The following PRKN variants were observed in gnomAD, a reference collection of about 807,000 sequenced individuals.
The protein encoded by PRKN is parkin RBR E3 ubiquitin protein ligase.
Under a neutral mutation model 59.5 loss-of-function variants are expected in PRKN, and 56 were observed. The ratio of observed to expected loss-of-function variants is 0.94; its 90% CI spans 0.76 to 1.18. The LOEUF (loss-of-function observed/expected upper bound fraction) is 1.18, where lower values mean the gene tolerates loss of function less well. PRKN is among the 50% of genes most tolerant of loss of function. PRKN has a pLI of 0.00. For missense variants in PRKN, 657 were observed against 596.4 expected (o/e 1.10, Z -1.06); for synonymous variants, 250 against 222.1 (o/e 1.13, Z -1.12).
chr6:162,258,253 G>T (rs1000599653), intron 3 of PRKN, among the ~76,000 whole-genome samples: 3 of 152,216 alleles, frequency 2.0e-5, no homozygotes, highest in Non-Finnish European at 4.4e-5. Context: ...GTTGAGGTAG[G>T]CATCTTGTCT....
At position 162,479,975 on chromosome 6, in the gene PRKN, C is replaced by G. The variant is rs182632142; in HGVS notation, c.8-36502G>C. Among the ~76,000 whole-genome samples the G allele has an allele frequency of 7.9e-4, 120 of 151,398 alleles. 1 individual carries two copies. In the South Asian group the frequency reaches 0.012, roughly 15 times the overall value. On this transcript the variant is annotated intron_variant, in intron 1 of 11. Transcript: ENST00000366898. The stretch of plus-strand genomic sequence containing the variant: ...AGCTACTTGGGAGGCTGAGGCAGGA[C>G]AATCGCTTAAACCCGGGAGGTGGAG...
At chr6:162,459,678 T>A (rs555191328) in intron 1 of PRKN, among the ~76,000 whole-genome samples, 1 of 152,316 alleles carries the variant, frequency 6.6e-6, no homozygotes, top group Admixed American at 6.5e-5. Flanking sequence ...AGAGTTGTTA[T>A]AAGTATGAAA....
chr6:162,618,405 T>C (rs574087558), intron 1 of PRKN, among the ~76,000 whole-genome samples: 2 of 152,290 alleles, frequency 1.3e-5, no homozygotes, highest in Non-Finnish European at 2.9e-5. Context: ...TAGGAAATAA[T>C]GTACTGTGAT....
intron 6 of PRKN, among the ~76,000 whole-genome samples, chr6:161,829,256 A>G (rs1792376701): frequency 6.6e-6 from 1 of 152,130 alleles, no homozygotes; most frequent in Non-Finnish European, 1.5e-5. Flanking sequence ...AAAAACAAAA[A>G]AAACAATAAC....
At chr6:162,257,554 G>C (rs554772078) in intron 3 of PRKN, among the ~76,000 whole-genome samples, 1 of 152,028 alleles carries the variant, frequency 6.6e-6, no homozygotes, top group Non-Finnish European at 1.5e-5. Flanking sequence ...CCCTGGGTAC[G>C]GCTTGAATTG....
Position 161,490,081 on chromosome 6 carries a change from C to G in PRKN, c.1083+58773G>C, listed in dbSNP as rs144730523. 8.5e-3 allele frequency among the ~76,000 whole-genome samples: 1,301 copies of G among 152,292 alleles called. 23 individuals are homozygous for G. The highest frequency in any genetic ancestry group is 0.03 in the African/African-American group (1,239 of 41,562). On this transcript the variant is annotated intron_variant, in intron 9 of 11. Transcript: ENST00000366898. ...CAACTTAATGTCTTACCAGGAGGAC[C>G]TAGACCAGCAATTACAATACAATGA...
chr6:161,954,835 C>CAGGA lies in PRKN; in HGVS notation c.734+18466_734+18467insTCCT, dbSNP rs550818597. 7.7e-4 allele frequency among the ~76,000 whole-genome samples: 117 copies of CAGGA among 152,324 alleles called. No individual in the cohort carries two copies. In the East Asian group the frequency reaches 9.1e-3, roughly 12 times the overall value. On this transcript the variant is annotated intron_variant, in intron 6 of 11. Transcript: ENST00000366898. ...TCAGCCTCTCCTTCACAGTGCAGGCCTCCTAATCACTGCCTGTTTACCATG... is the reference window on the plus strand; with the variant it reads ...TCAGCCTCTCCTTCACAGTGCAGGCCAGGATCCTAATCACTGCCTGTTTACCATG...
chr6:162,086,390 ACT>A (rs1383632675), intron 4 of PRKN, among the ~76,000 whole-genome samples: 1 of 152,008 alleles, frequency 6.6e-6, no homozygotes, highest in Non-Finnish European at 1.5e-5. Flanking sequence ...AGTGTAGAAA[ACT>A]CCATGGCACA....
chr6:162,556,362 T>TGTGTGTGCGTGTGTGC, intron 1 of PRKN, among the ~76,000 whole-genome samples: 1 of 86,330 alleles, frequency 1.2e-5, no homozygotes, highest in African/African-American at 3.6e-5. Context: ...TGTGTGTGTG[T>TGTGTGTGCGTGTGTGC]GTGTGTGTGT....
chr6:162,505,834 T>C (rs898630938), intron 1 of PRKN, among the ~76,000 whole-genome samples: 1 of 152,240 alleles, frequency 6.6e-6, no homozygotes, highest in Non-Finnish European at 1.5e-5. Context: ...TAGAGGTGTC[T>C]GCTAGATTAT....
chr6:162,509,384 C>T (rs541938156), intron 1 of PRKN, among the ~76,000 whole-genome samples: 1 of 152,118 alleles, frequency 6.6e-6, no homozygotes, highest in South Asian at 2.1e-4. Flanking sequence ...TATATATGAC[C>T]AAATTTGTAT....
intron 4 of PRKN, among the ~76,000 whole-genome samples, chr6:162,112,521 C>T (rs1780483987): frequency 1.3e-5 from 2 of 152,130 alleles, no homozygotes; most frequent in Non-Finnish European, 2.9e-5. Context: ...TTCTAGAAGT[C>T]CTTGTCATCA....
At chr6:161,857,903 A>G (rs1055717811) in intron 6 of PRKN, among the ~76,000 whole-genome samples, 37 of 152,324 alleles carry the variant, frequency 2.4e-4, no homozygotes, top group African/African-American at 8.7e-4. Flanking sequence ...CCAAATAAGT[A>G]TTAAATGGCT....
At chr6:161,619,807 ACT>A (rs1158899634) in intron 7 of PRKN, among the ~76,000 whole-genome samples, 3 of 152,130 alleles carry the variant, frequency 2.0e-5, no homozygotes, top group South Asian at 2.1e-4. Context: ...GATTTTGAAG[ACT>A]CTGTGTGAAA....
At chr6:161,632,784 G>C (rs1783363799) in intron 7 of PRKN, among the ~76,000 whole-genome samples, 1 of 152,188 alleles carries the variant, frequency 6.6e-6, no homozygotes, top group Admixed American at 6.5e-5. Flanking sequence ...GCAGCAAGGA[G>C]AAGTACAGAG....
At chr6:161,567,293 C>T (rs1780690740) in intron 8 of PRKN, among the ~76,000 whole-genome samples, 1 of 152,114 alleles carries the variant, frequency 6.6e-6, no homozygotes, top group Non-Finnish European at 1.5e-5. Context: ...AATGATCTGC[C>T]TGCCTTGGCC....
rs551526841 is a variant in PRKN at position 161,470,123 on chromosome 6, T to C, written c.1083+78731A>G. 6.6e-5 allele frequency among the ~76,000 whole-genome samples: 10 copies of C among 152,320 alleles called. No homozygotes were observed. The East Asian group carries it at 1.5e-3, about 24-fold the overall frequency. ...CACAGAGAAGTTAATTTGCTCAAAA[T>C]TGCATAGCTAGGAAGTGAACTCTGG... On this transcript the variant is annotated intron_variant, in intron 9 of 11. Transcript: ENST00000366898. This position sits in a 1 kb window ranked among gnomAD's most constrained non-coding sequence, Gnocchi z 5.1.
Position 161,360,160 on chromosome 6 carries a change from C to G in PRKN, c.1213G>C (p.Ala405Pro). Reference protein sequence around the residue: ...ERAAEQARWEAASKETIKKTT... With the variant: ...ERAAEQARWEPASKETIKKTT... ...TTCTTGATGGTTTCTTTGGAGGCTG[C>G]TTCCCAACGAGCCTGCTCGGCGGCT... Residue 405 changes from alanine to proline, a missense_variant, in exon 11 of 12, where the codon GCA becomes CCA. Coordinates refer to ENST00000366898, the MANE Select transcript of PRKN (RefSeq NM_004562.3). This position sits in a 1 kb window ranked among gnomAD's most constrained non-coding sequence, Gnocchi z 5.1. 6.2e-7 allele frequency: 1 copy of G among 1,614,192 alleles called. No individual in the cohort carries two copies. The highest frequency in any genetic ancestry group is 8.5e-7 in the Non-Finnish European group (1 of 1,180,022).
chr6:162,471,595 T>C (rs971045458), intron 1 of PRKN, among the ~76,000 whole-genome samples: 7 of 152,224 alleles, frequency 4.6e-5, no homozygotes, highest in Non-Finnish European at 7.3e-5. Context: ...TTTTGCCATT[T>C]ACTAAACTAT....
Sources: gnomAD v4.1 joint callset for allele counts (sites outside exome capture counted in the v4.1 genomes callset) on GRCh38, gnomAD v4.1.1 for gene constraint, Gnocchi (gnomAD v3.1) non-coding constraint, MANE v1.5 for transcripts, NCBI Gene and HGNC (gene_info 2026-07-23, HGNC 2026-07-21) for gene names.